The following STK32B variants were observed in gnomAD, a reference collection of about 807,000 sequenced individuals.
The protein encoded by STK32B is serine/threonine-protein kinase 32B.
Under a neutral mutation model 52.6 loss-of-function variants are expected in STK32B, and 43 were observed. The observed-to-expected ratio is 0.82, with a 90% CI of 0.64 to 1.05. The LOEUF is 1.05. STK32B is among the 50% of genes least tolerant of loss of function. STK32B has a pLI of 0.00. For synonymous variants in STK32B, 238 were observed against 204.3 expected (o/e 1.17, Z -1.41); for missense variants, 621 against 534.6 (o/e 1.16, Z -1.59).
chr4:5,019,967 C>A, the STK32B span, among the ~76,000 whole-genome samples: 1 of 152,154 alleles, frequency 6.6e-6, no homozygotes, highest in Non-Finnish European at 1.5e-5. Context: ...GTCAGGCCAC[C>A]GGTGTCCTCG....
chr4:5,092,924 C>T lies in STK32B; in HGVS notation c.52+41009C>T, dbSNP rs368858486. 1.2e-4 allele frequency among the ~76,000 whole-genome samples: 18 copies of T among 152,062 alleles called. No homozygotes were observed. In the South Asian group the frequency reaches 3.5e-3, roughly 30 times the overall value. On this transcript the variant is annotated intron_variant, in intron 1 of 11. Coordinates refer to ENST00000282908, the MANE Select transcript of STK32B (RefSeq NM_018401.3). ...AATTTACATTATGTGAATTATATCT[C>T]AATAAAAATATTGGAAAAATAATAA...
intron 4 of STK32B, among the ~76,000 whole-genome samples, chr4:5,355,066 C>T (rs1333502508): frequency 1.3e-5 from 2 of 152,148 alleles, no homozygotes; most frequent in South Asian, 4.1e-4. Flanking sequence ...ACTTTCCATG[C>T]TGTTCTTCTG....
intron 3 of STK32B, among the ~76,000 whole-genome samples, chr4:5,245,021 T>G (rs906377891): frequency 6.6e-6 from 1 of 152,168 alleles, no homozygotes; most frequent in Non-Finnish European, 1.5e-5. Flanking sequence ...TTGGAATAGG[T>G]GTGGTGCTGA....
chr4:5,419,546 G>A lies in STK32B; in HGVS notation c.562+2612G>A, dbSNP rs531665089. Among the ~76,000 whole-genome samples the A allele has an allele frequency of 1.3e-3, 202 of 152,248 alleles. 1 individual carries two copies. Among genetic ancestry groups the A allele is most frequent in the African/African-American group, 4.5e-3 (187 of 41,526 alleles). ...AGCTTCAGCCGCTGTTCTCAAAGTC[G>A]TTGTCTGTGTTTCCCAGTGAATACC... On this transcript the variant is annotated intron_variant, in intron 6 of 11. Transcript: ENST00000282908.
In STK32B at chr4:5,090,708, G is replaced by A. The variant is rs552772612; in HGVS notation, c.52+38793G>A. Among the ~76,000 whole-genome samples the A allele has an allele frequency of 8.5e-4, 129 of 152,104 alleles. No homozygotes were observed. The Middle Eastern group carries it at 0.01, about 12-fold the overall frequency. ...TTTTTGTATAAGGTGTAAGGAAGGG[G>A]TCCAGTTTCCAATTTTCTGCATATG... On this transcript the variant is annotated intron_variant, in intron 1 of 11. Coordinates refer to ENST00000282908, the MANE Select transcript of STK32B (RefSeq NM_018401.3).
chr4:5,425,667 T>A (rs1293756500), intron 6 of STK32B, among the ~76,000 whole-genome samples: 1 of 152,202 alleles, frequency 6.6e-6, no homozygotes, highest in African/African-American at 2.4e-5. Context: ...AGGAATAATT[T>A]TCATGCAGTA....
chr4:5,184,238 A>G (rs148479486), intron 3 of STK32B, among the ~76,000 whole-genome samples: 19 of 152,286 alleles, frequency 1.2e-4, no homozygotes, highest in Non-Finnish European at 2.1e-4. Context: ...AGGCCATTGT[A>G]GTGTTATTGC....
At chr4:5,174,707 C>T (rs993906930) in intron 3 of STK32B, among the ~76,000 whole-genome samples, 11 of 152,244 alleles carry the variant, frequency 7.2e-5, no homozygotes, top group South Asian at 6.2e-4. Context: ...GTGGGTAACC[C>T]GACCTTTCTC....
intron 4 of STK32B, among the ~76,000 whole-genome samples, chr4:5,368,892 C>T (rs925372576): frequency 2.0e-5 from 3 of 152,168 alleles, no homozygotes; most frequent in Non-Finnish European, 4.4e-5. Flanking sequence ...GGGTTGCTTT[C>T]CCACTCTCCT....
intron 11 of STK32B, among the ~76,000 whole-genome samples, chr4:5,482,798 C>A (rs957284217): frequency 6.6e-6 from 1 of 152,022 alleles, no homozygotes; most frequent in African/African-American, 2.4e-5. Flanking sequence ...CAGGATGAAA[C>A]GTTGCTGAAT....
chr4:5,162,956 T>C (rs924578987), intron 2 of STK32B, among the ~76,000 whole-genome samples: 1 of 152,134 alleles, frequency 6.6e-6, no homozygotes, highest in African/African-American at 2.4e-5. Context: ...TGTCATGGGA[T>C]TTTGAGCAGG....
rs535193683 is a variant in STK32B, at chr4:5,267,488, C to G, written c.261-63732C>G. Among the ~76,000 whole-genome samples the G allele has an allele frequency of 4.6e-5, 7 of 152,228 alleles. No individual in the cohort carries two copies. The South Asian group carries it at 1.5e-3, about 32-fold the overall frequency. On this transcript the variant is annotated intron_variant, in intron 3 of 11. Transcript: ENST00000282908. ...ACTCCTGTATTATCAATCTGAGTAA[C>G]AACAGCTCCCCTAGGAGAGTGTGGG... is the stretch of plus-strand genomic sequence containing the variant.
intron 5 of STK32B, among the ~76,000 whole-genome samples, chr4:5,405,616 A>G (rs1313630944): frequency 1.3e-5 from 2 of 152,160 alleles, no homozygotes; most frequent in Admixed American, 1.3e-4. Flanking sequence ...GGGAGGCCTC[A>G]GGAAAGTTAT....
In STK32B at chr4:5,267,869, C is replaced by A. The variant is rs141846692; in HGVS notation, c.261-63351C>A. On this transcript the variant is annotated intron_variant, in intron 3 of 11. Coordinates refer to ENST00000282908, the MANE Select transcript of STK32B (RefSeq NM_018401.3). ...CATCTGTTCCTCAGCTCCACCATCT[C>A]TGGAGGCTGCCCAGAAGTTGACAGC... Among the ~76,000 whole-genome samples the A allele has an allele frequency of 8.6e-3, 1,316 of 152,314 alleles. 8 individuals are homozygous for A. The highest frequency in any genetic ancestry group is 0.014 in the Non-Finnish European group (979 of 68,024).
intron 2 of STK32B, among the ~76,000 whole-genome samples, chr4:5,156,272 A>G (rs564924739): frequency 6.6e-6 from 1 of 151,202 alleles, no homozygotes; most frequent in East Asian, 1.9e-4. Flanking sequence ...TATAATATAA[A>G]TGCATGAATA....
chr4:5,082,717 T>A (rs191486750), intron 1 of STK32B, among the ~76,000 whole-genome samples: 65 of 145,398 alleles, frequency 4.5e-4, no homozygotes, highest in Non-Finnish European at 7.9e-4. Flanking sequence ...ATGAAAGTAG[T>A]ACATGTTCGT....
At chr4:5,159,576 AATATATATATGAATATATATGAAT>A (rs1276860805) in intron 2 of STK32B, among the ~76,000 whole-genome samples, 1,384 of 57,902 alleles carry the variant, frequency 0.024, 279 homozygotes, top group African/African-American at 0.13. Context: ...AATATATATG[AATATATATATGAATATATATGAAT>A]ATATATATGA....
rs534683818 is a variant in STK32B, at chr4:5,400,395, C to T, written c.472+2151C>T. Among the ~76,000 whole-genome samples the T allele has an allele frequency of 4.6e-5, 7 of 152,186 alleles. No homozygotes were observed. In the East Asian group the frequency reaches 1.4e-3, roughly 29 times the overall value. The stretch of plus-strand genomic sequence containing the variant: ...CCCCCTTGAGCTCCTCATCTTTTTC[C>T]ACCCCCTGCTTGGCCTTCACAGTGT... On this transcript the variant is annotated intron_variant, in intron 5 of 11. Coordinates refer to ENST00000282908, the MANE Select transcript of STK32B (RefSeq NM_018401.3). This position sits in a 1 kb window ranked among gnomAD's most constrained non-coding sequence, Gnocchi z 6.1.
chr4:5,277,716 G>T (rs1252796246), intron 3 of STK32B, among the ~76,000 whole-genome samples: 2 of 152,182 alleles, frequency 1.3e-5, no homozygotes, highest in African/African-American at 2.4e-5. Context: ...ATAGTGTTCA[G>T]ATTGCCAGAT....
Sources: allele counts gnomAD v4.1 joint callset (sites outside exome capture counted in the v4.1 genomes callset), GRCh38; gene constraint gnomAD v4.1.1; non-coding constraint Gnocchi (gnomAD v3.1); transcripts MANE v1.5; gene names NCBI Gene and HGNC (gene_info 2026-07-23, HGNC 2026-07-21).